Variants in STAT4 observed in about 807,000 individuals in gnomAD.
The protein encoded by STAT4 is signal transducer and activator of transcription 4.
In STAT4, 42 loss-of-function variants were observed where a neutral mutation model predicts 110.5. The ratio of observed to expected loss-of-function variants is 0.38; its 90% CI spans 0.30 to 0.49. The LOEUF (loss-of-function observed/expected upper bound fraction) is 0.49, where lower values mean the gene tolerates loss of function less well. STAT4 is among the 20% of genes least tolerant of loss of function. STAT4 has a pLI of 0.95. For synonymous variants in STAT4, 284 were observed against 302.2 expected, an observed-to-expected ratio of 0.94 and a Z score of 0.63; for missense variants, 632 against 887.9, an observed-to-expected ratio of 0.71 and a Z score of 3.66.
In STAT4 at chr2:191,051,175, G is replaced by T. The variant is rs1269450761; in HGVS notation, c.1251+3315C>A. Among the ~76,000 whole-genome samples the T allele has an allele frequency of 6.6e-6, 1 of 152,142 alleles. No homozygotes were observed. The highest frequency in any genetic ancestry group is 2.4e-5 in the African/African-American group (1 of 41,430). Reference sequence around the variant, plus strand: ...TGGAGCTGGAAGAGGGAAGTGCCAGGGTCCCCTGAAAGGGACCACATCTCC... The same window carrying T: ...TGGAGCTGGAAGAGGGAAGTGCCAGTGTCCCCTGAAAGGGACCACATCTCC... On this transcript the variant is annotated intron_variant, in intron 14 of 23. Transcript: ENST00000392320. The surrounding 1 kb of genome is among the most constrained non-coding windows in gnomAD (Gnocchi z 5.6).
chr2:191,049,758 T>TAATCACAG (rs1169451633), intron 14 of STAT4, among the ~76,000 whole-genome samples: 5 of 152,206 alleles, frequency 3.3e-5, no homozygotes, highest in African/African-American at 7.2e-5. Flanking sequence ...AGATAGCCTT[T>TAATCACAG]AATCACAGAA....
chr2:191,070,419 CA>C (rs1359423392), intron 5 of STAT4, among the ~76,000 whole-genome samples: 8 of 152,052 alleles, frequency 5.3e-5, no homozygotes, highest in Non-Finnish European at 1.2e-4. Context: ...CTCACTTTTA[CA>C]GAGGAAGAAG....
At chr2:191,065,070 A>G in intron 7 of STAT4, 112 bp from the exon 8 acceptor site, 1 of 1,193,006 alleles carries the variant, frequency 8.4e-7, no homozygotes, top group South Asian at 1.9e-5. Context: ...AATTTTGACC[A>G]AATATTTTAC....
chr2:191,029,957 C>G lies in STAT4; in HGVS notation c.2221-91G>C. 5 of 966,230 alleles carry G rather than the reference C, an allele frequency of 5.2e-6. No homozygotes were observed. The highest frequency in any genetic ancestry group is 7.8e-6 in the Non-Finnish European group (5 of 639,934). The allele number at this position is 966,230 out of a possible 1,614,324, so 59.9% of individuals were successfully genotyped here. On this transcript the variant is annotated intron_variant, in intron 23 of 23. Transcript: ENST00000392320. The surrounding 1 kb of genome is among the most constrained non-coding windows in gnomAD (Gnocchi z 4.5). ...GGGCAAATAAACGTCCTCTTTTCTACGAATTACTCCATAATTTTTCTATTA... is the reference window on the plus strand; with the variant it reads ...GGGCAAATAAACGTCCTCTTTTCTAGGAATTACTCCATAATTTTTCTATTA...
chr2:191,125,546 G>C (rs932737770), intron 3 of STAT4, among the ~76,000 whole-genome samples: 2 of 147,328 alleles, frequency 1.4e-5, no homozygotes, highest in African/African-American at 5.0e-5. Context: ...GGAGTGCAGT[G>C]GTGCAATCGT....
At position 191,146,890 on chromosome 2, in the gene STAT4, T is replaced by G. The variant is rs1431554166; in HGVS notation, c.129-133A>C. The G allele has an allele frequency of 1.2e-6, 1 of 865,204 alleles. No homozygotes were observed. The highest frequency in any genetic ancestry group is 3.9e-5 in the Admixed American group (1 of 25,374). 53.6% of individuals were successfully genotyped at this position (865,204 alleles called of 1,614,324 possible). A position where few individuals can be genotyped will look rare whatever the true frequency, so the allele number is the denominator to read the frequency against. On this transcript the variant is annotated intron_variant, in intron 2 of 23. Transcript: ENST00000392320. The surrounding 1 kb of genome is among the most constrained non-coding windows in gnomAD (Gnocchi z 4.5). The stretch of plus-strand genomic sequence containing the variant: ...TTAAAAGTTTTAAAAAATTAAATTG[T>G]TAACATGAAGAGATGCTCAACATCA...
At position 191,031,072 on chromosome 2, in the gene STAT4, T is replaced by A; in HGVS notation, c.2120A>T (p.Asp707Val). 6.2e-7 allele frequency: 1 copy of A among 1,613,926 alleles called. No homozygotes were observed. The highest frequency in any genetic ancestry group is 1.7e-4 in the Middle Eastern group (1 of 6,060). ...TGATGGAGAATGTGGCTCTGTTGAA[T>A]CACTTCGGCTTAAAGAGATAACAAG... ...VFIPISTIRS[D>V]STEPHSPSDL... is the part of the protein sequence containing the mutation. Residue 707 changes from aspartate (D) to valine (V), a missense_variant, in exon 23 of 24, where the codon GAT becomes GTT. Asp to Val is a radical substitution (Grantham distance 152). Coordinates refer to ENST00000392320, the MANE Select transcript of STAT4 (RefSeq NM_003151.4). This position sits in a 1 kb window ranked among gnomAD's most constrained non-coding sequence, Gnocchi z 4.8.
chr2:191,150,926 AGGTGT>A lies in STAT4; in HGVS notation c.-2+16_-2+20del, dbSNP rs1386800077. ...GTCCTCCTTACAAGAGGCAGCCAGAAGGTGTGGTCTGGCCACTTACCTAGCGCTCT... is the reference window on the plus strand; with the variant it reads ...GTCCTCCTTACAAGAGGCAGCCAGAAGGTCTGGCCACTTACCTAGCGCTCT... On this transcript the variant is annotated intron_variant, in intron 1 of 23. Transcript: ENST00000392320. This position sits in a 1 kb window ranked among gnomAD's most constrained non-coding sequence, Gnocchi z 6.4. 3 of 985,468 alleles carry A rather than the reference AGGTGT, an allele frequency of 3.0e-6. No individual in the cohort carries two copies. Among genetic ancestry groups the A allele is most frequent in the Non-Finnish European group, 3.6e-6 (3 of 829,988 alleles). The allele number at this position is 985,468 out of a possible 1,614,324, so 61.0% of individuals were successfully genotyped here.
At chr2:191,044,553 G>A (rs181001938) in intron 14 of STAT4, among the ~76,000 whole-genome samples, 57 of 152,238 alleles carry the variant, frequency 3.7e-4, no homozygotes, top group African/African-American at 1.3e-3. Flanking sequence ...AAAGGAGACA[G>A]TAACCTAAGA....
chr2:191,122,957 T>C (rs2125395700), intron 3 of STAT4, among the ~76,000 whole-genome samples: 1 of 152,366 alleles, frequency 6.6e-6, no homozygotes, highest in South Asian at 2.1e-4. Context: ...AAACTTTGTG[T>C]GTTTTACCAT....
chr2:191,102,450 G>C (rs146344261), intron 3 of STAT4, among the ~76,000 whole-genome samples: 9 of 152,004 alleles, frequency 5.9e-5, no homozygotes, highest in Middle Eastern at 3.4e-3. Context: ...AATTATTTTT[G>C]CACCCAGTGG....
At position 191,060,275 on chromosome 2, in the gene STAT4, A is replaced by T. The variant is rs1411037941; in HGVS notation, c.1034+1454T>A. On this transcript the variant is annotated intron_variant, in intron 10 of 23. Transcript: ENST00000392320. The surrounding 1 kb of genome is among the most constrained non-coding windows in gnomAD (Gnocchi z 4.5). ...CCAGAGAGCATCTTAGACTTACTATATCATCTATAGGAGTGTCTCAAGGAA... is the reference window on the plus strand; with the variant it reads ...CCAGAGAGCATCTTAGACTTACTATTTCATCTATAGGAGTGTCTCAAGGAA... 6.6e-6 allele frequency among the ~76,000 whole-genome samples: 1 copy of T among 152,192 alleles called. No homozygotes were observed. Among genetic ancestry groups the T allele is most frequent in the Non-Finnish European group, 1.5e-5 (1 of 68,032 alleles).
Position 191,064,830 on chromosome 2 carries a change from A to C in STAT4, c.759T>G (p.Asn253Lys). 6.2e-7 allele frequency: 1 copy of C among 1,612,864 alleles called. No homozygotes were observed. The highest frequency in any genetic ancestry group is 2.2e-5 in the East Asian group (1 of 44,746). The stretch of plus-strand genomic sequence containing the variant: ...ACCAGTTCTGAAGCTGGTCGAGCCC[A>C]TTGTGGAGTGGACCCCCGATGCAGG... The part of the protein sequence containing the change: ...QIACIGGPLH[N>K]GLDQLQNCFT... The change falls in exon 8 of 24, where the codon AAT becomes AAG. Residue 253 changes from asparagine (N) to lysine (K), a missense_variant. Physicochemically the swap from Asn to Lys is moderately conservative, Grantham distance 94 (BLOSUM62 0). Transcript: ENST00000392320.
At chr2:191,093,761 G>C (rs560636774) in intron 3 of STAT4, among the ~76,000 whole-genome samples, 1 of 152,334 alleles carries the variant, frequency 6.6e-6, no homozygotes, top group African/African-American at 2.4e-5. Context: ...ACAGAAGTAG[G>C]CTTCAGAAGG....
intron 3 of STAT4, among the ~76,000 whole-genome samples, chr2:191,126,335 A>T (rs890374468): frequency 6.6e-6 from 1 of 151,310 alleles, no homozygotes; most frequent in Non-Finnish European, 1.5e-5. Context: ...TGGCTTTCTT[A>T]TAGGTCTTCA....
chr2:191,047,438 A>G (rs1338465678), intron 14 of STAT4, among the ~76,000 whole-genome samples: 1 of 152,164 alleles, frequency 6.6e-6, no homozygotes, highest in Non-Finnish European at 1.5e-5. Flanking sequence ...TTGGGGGCAG[A>G]CTTGTGGGAC....
At chr2:191,067,331 G>T (rs185184821) in intron 6 of STAT4, among the ~76,000 whole-genome samples, 9 of 152,158 alleles carry the variant, frequency 5.9e-5, no homozygotes, top group Admixed American at 5.2e-4. Context: ...CACGTGAAGT[G>T]CTCGGAAGCT....
rs779081265 is a variant in STAT4, at chr2:191,033,465, T to C, written c.1852+25A>G. 9 of 1,584,444 alleles carry C rather than the reference T, an allele frequency of 5.7e-6. No homozygotes were observed. The highest frequency in any genetic ancestry group is 1.9e-5 in the Admixed American group (1 of 51,468). On this transcript the variant is annotated intron_variant, in intron 20 of 23. Coordinates refer to ENST00000392320, the MANE Select transcript of STAT4 (RefSeq NM_003151.4). The surrounding 1 kb of genome is among the most constrained non-coding windows in gnomAD (Gnocchi z 6.9). ...CAAATTTAAGAAAACTAATTTCACA[T>C]GAATAAACATTAGTGAGTATATACC...
intron 14 of STAT4, among the ~76,000 whole-genome samples, chr2:191,045,256 T>C (rs910773719): frequency 6.6e-6 from 1 of 152,144 alleles, no homozygotes; most frequent in African/African-American, 2.4e-5. Context: ...TGATGAAATT[T>C]TATAGTAGGT....
Sources: allele counts gnomAD v4.1 joint callset (sites outside exome capture counted in the v4.1 genomes callset), GRCh38; gene constraint gnomAD v4.1.1; non-coding constraint Gnocchi (gnomAD v3.1); transcripts MANE v1.5; gene names NCBI Gene and HGNC (gene_info 2026-07-23, HGNC 2026-07-21).